The following ASTN2 variants were observed in gnomAD, a reference collection of about 807,000 sequenced individuals.
ASTN2 encodes astrotactin-2.
A neutral mutation model predicts 139.8 loss-of-function variants in ASTN2; 54 were observed. That is an observed-to-expected ratio of 0.39 (90% CI 0.31 to 0.48). The LOEUF (loss-of-function observed/expected upper bound fraction) is 0.48. ASTN2 is among the 20% of genes least tolerant of loss of function. ASTN2 has a pLI of 0.95. For synonymous variants in ASTN2, 756 were observed against 719.5 expected (o/e 1.05, Z -0.81); for missense variants, 1,565 against 1,725.1 (o/e 0.91, Z 1.64).
chr9:116,659,807 A>G (rs764353908), intron 16 of ASTN2, among the ~76,000 whole-genome samples: 7 of 152,028 alleles, frequency 4.6e-5, no homozygotes, highest in Non-Finnish European at 7.4e-5. Flanking sequence ...TAATCCTCCA[A>G]TTTATTCTTG....
At chr9:116,449,721 C>T (rs1848118190) in intron 20 of ASTN2, among the ~76,000 whole-genome samples, 1 of 152,116 alleles carries the variant, frequency 6.6e-6, no homozygotes, top group Non-Finnish European at 1.5e-5. Context: ...CAGCTACCAC[C>T]TTGCTTACTG....
rs189020639 is a variant in ASTN2 at position 116,994,576 on chromosome 9, C to T, written c.1591+13516G>A. On this transcript the variant is annotated intron_variant, in intron 7 of 22. Transcript: ENST00000313400. ...TCTCTCCAATATGAAAGCCACCAGCCAGATGTGACTGCTGAATATTTCAAA... is the reference window on the plus strand; with the variant it reads ...TCTCTCCAATATGAAAGCCACCAGCTAGATGTGACTGCTGAATATTTCAAA... Among the ~76,000 whole-genome samples the T allele has an allele frequency of 2.0e-5, 3 of 152,312 alleles. No individual in the cohort carries two copies. The East Asian group carries it at 5.8e-4, about 29-fold the overall frequency.
At chr9:116,497,738 T>G (rs1849713488) in intron 19 of ASTN2, among the ~76,000 whole-genome samples, 1 of 152,050 alleles carries the variant, frequency 6.6e-6, no homozygotes, top group African/African-American at 2.4e-5. Flanking sequence ...GGGGGAGGGA[T>G]GAAGGAAGGC....
chr9:116,727,161 C>T (rs1366740571), intron 15 of ASTN2, among the ~76,000 whole-genome samples: 1 of 152,012 alleles, frequency 6.6e-6, no homozygotes, highest in Non-Finnish European at 1.5e-5. Flanking sequence ...GACAGGAGTG[C>T]CTACTGTCTG....
In ASTN2 at chr9:116,649,768, C is replaced by A. The variant is rs1588140792; in HGVS notation, c.3072+1760G>T. ...GGTTTTTTACAGAGGCCTCCTTCTG[C>A]CACACAATCTAATCCCATCAGCCTC... On this transcript the variant is annotated intron_variant, in intron 17 of 22. Transcript: ENST00000313400. Among the ~76,000 whole-genome samples the A allele has an allele frequency of 2.0e-5, 3 of 152,082 alleles. No individual in the cohort carries two copies. In the East Asian group the frequency reaches 5.8e-4, roughly 30 times the overall value.
chr9:116,955,787 A>ATTTATTACAAAT (rs1332608673), intron 10 of ASTN2, among the ~76,000 whole-genome samples: 5 of 152,204 alleles, frequency 3.3e-5, no homozygotes, highest in African/African-American at 4.8e-5. Context: ...GGTTGTTGTG[A>ATTTATTACAAAT]GAATTACAAA....
intron 20 of ASTN2, among the ~76,000 whole-genome samples, chr9:116,472,630 G>C (rs981030912): frequency 6.6e-6 from 1 of 151,980 alleles, no homozygotes; most frequent in Non-Finnish European, 1.5e-5. Context: ...CTGGCCAGGC[G>C]TGGTAGCTCA....
intron 1 of ASTN2, among the ~76,000 whole-genome samples, chr9:117,320,402 C>A (rs1380627013): frequency 6.6e-6 from 1 of 152,156 alleles, no homozygotes; most frequent in Non-Finnish European, 1.5e-5. Context: ...TCTTGCATGG[C>A]TCTTTTCACA....
At chr9:116,928,932 G>C (rs1460369243) in intron 10 of ASTN2, among the ~76,000 whole-genome samples, 4 of 152,194 alleles carry the variant, frequency 2.6e-5, no homozygotes, top group African/African-American at 9.7e-5. Context: ...TGGAAGCACA[G>C]AGAGGTGAAA....
At chr9:117,142,176 C>G (rs1167119422) in intron 3 of ASTN2, among the ~76,000 whole-genome samples, 1 of 152,190 alleles carries the variant, frequency 6.6e-6, no homozygotes, top group Non-Finnish European at 1.5e-5. Context: ...TGGTAGGCCA[C>G]ATTTAGGAGT....
intron 20 of ASTN2, among the ~76,000 whole-genome samples, chr9:116,472,695 G>A (rs1848850159): frequency 6.6e-6 from 1 of 151,876 alleles, no homozygotes; most frequent in Admixed American, 6.6e-5. Context: ...TTTGAGGTCA[G>A]GAGTTCAAGA....
intron 13 of ASTN2, among the ~76,000 whole-genome samples, chr9:116,735,242 C>T (rs2132129137): frequency 6.6e-6 from 1 of 152,204 alleles, no homozygotes; most frequent in African/African-American, 2.4e-5. Context: ...GTGGAGTCAT[C>T]CTTGTTTATG....
At chr9:116,680,869 T>C (rs1177760187) in intron 16 of ASTN2, among the ~76,000 whole-genome samples, 1 of 152,180 alleles carries the variant, frequency 6.6e-6, no homozygotes, top group Admixed American at 6.5e-5. Context: ...TGATGGGACG[T>C]ATTTGAAAAT....
intron 12 of ASTN2, among the ~76,000 whole-genome samples, chr9:116,808,023 A>G (rs1831071730): frequency 6.6e-6 from 1 of 151,896 alleles, no homozygotes; most frequent in Non-Finnish European, 1.5e-5. Flanking sequence ...CGGAGGCAGG[A>G]GAATCACTTG....
At chr9:117,267,684 C>T (rs1391704844) in intron 2 of ASTN2, among the ~76,000 whole-genome samples, 1 of 152,128 alleles carries the variant, frequency 6.6e-6, no homozygotes, top group African/African-American at 2.4e-5. Context: ...GGTTACAAGC[C>T]TTGGAATGGG....
At chr9:117,363,936 G>A (rs771417259) in intron 1 of ASTN2, among the ~76,000 whole-genome samples, 1 of 152,150 alleles carries the variant, frequency 6.6e-6, no homozygotes, top group African/African-American at 2.4e-5. Context: ...TTCCTCATCC[G>A]CAAGCGTGGG....
chr9:116,451,829 A>G (rs1005458159), intron 20 of ASTN2, among the ~76,000 whole-genome samples: 5 of 62,882 alleles, frequency 8.0e-5, no homozygotes, highest in African/African-American at 5.1e-4. Context: ...TACTATGCAA[A>G]TGATCTGAGT....
chr9:116,651,542 T>A lies in ASTN2; in HGVS notation c.3058A>T (p.Asn1020Tyr), dbSNP rs776028835. 4 of 1,613,670 alleles carry A rather than the reference T, an allele frequency of 2.5e-6. No homozygotes were observed. Among genetic ancestry groups the A allele is most frequent in the Non-Finnish European group, 3.4e-6 (4 of 1,179,646 alleles). The change falls in exon 17 of 23, where the codon AAT (asparagine) becomes TAT (tyrosine). Residue 1020 changes from asparagine to tyrosine, a missense_variant. Coordinates refer to ENST00000313400, the MANE Select transcript of ASTN2 (RefSeq NM_001365068.1). ...GGGGAGCTCACCTCCTTTGTGCCATTGTCTTGGATGAGGGTATAAAGTGGC... is the reference window on the plus strand; with the variant it reads ...GGGGAGCTCACCTCCTTTGTGCCATAGTCTTGGATGAGGGTATAAAGTGGC... ...VVPLYTLIQD[N>Y]GTKEAFKSAL... is the part of the protein sequence containing the mutation.
intron 3 of ASTN2, chr9:117,181,207 T>C (rs554764209): frequency 2.4e-5 from 15 of 622,756 alleles, no homozygotes; most frequent in Middle Eastern, 5.1e-4. Context: ...GCAGATGATC[T>C]GGAGTATTTC....
Sources: allele counts gnomAD v4.1 joint callset (sites outside exome capture counted in the v4.1 genomes callset), GRCh38; gene constraint gnomAD v4.1.1; transcripts MANE v1.5; gene names NCBI Gene and HGNC (gene_info 2026-07-23, HGNC 2026-07-21).